Variants in ZNF827 observed in about 807,000 individuals in gnomAD.
ZNF827 encodes the protein zinc finger protein 827.
A neutral mutation model predicts 102.4 loss-of-function variants in ZNF827; 13 were observed. The ratio of observed to expected loss-of-function variants is 0.13; its 90% confidence interval spans 0.08 to 0.20. The LOEUF is 0.20. Among genes scored for constraint, ZNF827 ranks in the 10% least tolerant of loss-of-function variants. ZNF827 has a pLI of 1.00. For synonymous variants in ZNF827, 523 were observed against 536.2 expected (o/e 0.98, Z 0.34); for missense variants, 1,103 against 1,344.4 (o/e 0.82, Z 2.81).
chr4:145,885,081 A>T (rs1032272615), intron 4 of ZNF827, among the ~76,000 whole-genome samples: 1 of 152,114 alleles, frequency 6.6e-6, no homozygotes, highest in African/African-American at 2.4e-5. Context: ...CTGTGCACCT[A>T]AAATGGTTAA....
chr4:145,914,981 A>G (rs1752568676), intron 1 of ZNF827, among the ~76,000 whole-genome samples: 1 of 152,210 alleles, frequency 6.6e-6, no homozygotes, highest in Non-Finnish European at 1.5e-5. Flanking sequence ...TGTTGCTAAA[A>G]CAGAATACTT....
At chr4:145,802,634 A>G (rs1741023454) in intron 8 of ZNF827, among the ~76,000 whole-genome samples, 1 of 152,352 alleles carries the variant, frequency 6.6e-6, no homozygotes, top group African/African-American at 2.4e-5. Flanking sequence ...TATAAAATTG[A>G]TTTAGTGGAT....
intron 2 of ZNF827, among the ~76,000 whole-genome samples, chr4:145,896,477 A>C (rs1002794223): frequency 2.0e-5 from 3 of 152,196 alleles, no homozygotes; most frequent in African/African-American, 7.2e-5. Flanking sequence ...GGAAGTCCTT[A>C]CCTTTGTGTC....
intron 8 of ZNF827, among the ~76,000 whole-genome samples, chr4:145,815,132 G>A (rs1742464848): frequency 6.6e-6 from 1 of 152,152 alleles, no homozygotes; most frequent in Admixed American, 6.5e-5. Flanking sequence ...GTTTTTGGAG[G>A]AGTGGTATGA....
chr4:145,891,137 T>C (rs764928560), intron 3 of ZNF827, among the ~76,000 whole-genome samples: 1 of 152,180 alleles, frequency 6.6e-6, no homozygotes, highest in South Asian at 2.1e-4. Flanking sequence ...ATCGAAAATA[T>C]CAGTGAAGAT....
chr4:145,809,233 C>G lies in ZNF827; in HGVS notation c.2383+14189G>C, dbSNP rs550180524. On this transcript the variant is annotated intron_variant, in intron 8 of 14. Coordinates refer to ENST00000508784, the MANE Select transcript of ZNF827 (RefSeq NM_001306215.2). ...TGAGAATAGTATGAAAAGATATTTTCTCCTTTGTTCAAAATGAAACTAACT... is the reference window on the plus strand; with the variant it reads ...TGAGAATAGTATGAAAAGATATTTTGTCCTTTGTTCAAAATGAAACTAACT... Among the ~76,000 whole-genome samples, 4 of 152,300 alleles carry G rather than the reference C, an allele frequency of 2.6e-5. 1 individual carries two copies. In the East Asian group the frequency reaches 5.8e-4, roughly 22 times the overall value.
At chr4:145,922,562 G>A (rs1255821486) in intron 1 of ZNF827, among the ~76,000 whole-genome samples, 1 of 152,194 alleles carries the variant, frequency 6.6e-6, no homozygotes, top group Non-Finnish European at 1.5e-5. Context: ...TGATGAAGCA[G>A]TAAAAATTAT....
At chr4:145,807,616 C>T (rs1484510492) in intron 8 of ZNF827, among the ~76,000 whole-genome samples, 5 of 151,588 alleles carry the variant, frequency 3.3e-5, no homozygotes, top group African/African-American at 9.7e-5. Flanking sequence ...GGATTACAGG[C>T]GCCCACCACC....
intron 8 of ZNF827, among the ~76,000 whole-genome samples, chr4:145,815,315 T>C (rs1255270029): frequency 1.3e-5 from 2 of 152,338 alleles, no homozygotes; most frequent in South Asian, 2.1e-4. Flanking sequence ...AGTGAACATC[T>C]TTTGTTTCTG....
intron 7 of ZNF827, among the ~76,000 whole-genome samples, chr4:145,833,818 C>T (rs1744524584): frequency 6.6e-6 from 1 of 151,838 alleles, no homozygotes; most frequent in Non-Finnish European, 1.5e-5. Flanking sequence ...CATGCCCCGA[C>T]CTCTTATTTC....
chr4:145,873,818 A>G lies in ZNF827; in HGVS notation c.1748-3340T>C, dbSNP rs1449581603. On this transcript the variant is annotated intron_variant, in intron 4 of 14. Transcript: ENST00000508784. Reference sequence around the variant, plus strand: ...TGCTCTCTCCCAACACCATTCTCCCAGAACCCTTTATAAAGTCTTTTCCAA... The same window carrying G: ...TGCTCTCTCCCAACACCATTCTCCCGGAACCCTTTATAAAGTCTTTTCCAA... Among the ~76,000 whole-genome samples the G allele has an allele frequency of 9.8e-5, 15 of 152,316 alleles. No individual in the cohort carries two copies. The East Asian group carries it at 1.3e-3, about 14-fold the overall frequency.
chr4:145,846,741 C>T (rs1468807249), intron 6 of ZNF827, among the ~76,000 whole-genome samples: 6 of 134,760 alleles, frequency 4.5e-5, no homozygotes, highest in South Asian at 2.6e-4. Flanking sequence ...GGCGTGAACC[C>T]GGGAGGCGGA....
rs200461563 is a variant in ZNF827 at position 145,885,610 on chromosome 4, C to CAG, written c.1747+66_1747+67dup. ...AAATAAGAATACTGGTAGACAGAGA[C>CAG]AGAGAGAGAGAGAGAGAGAGAGAGA... On this transcript the variant is annotated intron_variant, in intron 4 of 14. Coordinates refer to ENST00000508784, the MANE Select transcript of ZNF827 (RefSeq NM_001306215.2). The CAG allele has an allele frequency of 8.1e-3, 9,508 of 1,172,160 alleles. 82 individuals carry two copies. Among genetic ancestry groups the CAG allele is most frequent in the East Asian group, 0.045 (1,566 of 35,030 alleles). 72.6% of individuals were successfully genotyped at this position (1,172,160 alleles called of 1,614,324 possible). A position where few individuals can be genotyped will look rare whatever the true frequency, so the allele number is the denominator to read the frequency against.
At chr4:145,810,940 C>G (rs1175965686) in intron 8 of ZNF827, among the ~76,000 whole-genome samples, 2 of 151,670 alleles carry the variant, frequency 1.3e-5, no homozygotes, top group South Asian at 4.1e-4. Context: ...ACGTCCAGCT[C>G]ACAAACTAAC....
intron 1 of ZNF827, 133 bp downstream of exon 1, chr4:145,938,232 G>A: frequency 9.4e-7 from 1 of 1,062,322 alleles, no homozygotes; most frequent in Non-Finnish European, 1.5e-6. Flanking sequence ...GAGTAACCCG[G>A]GCTGTGTCTT....
chr4:145,814,683 G>A (rs1412627487), intron 8 of ZNF827, among the ~76,000 whole-genome samples: 2 of 151,576 alleles, frequency 1.3e-5, no homozygotes, highest in Non-Finnish European at 2.9e-5. Context: ...CAGCACTTTG[G>A]GAGGCCGAGG....
At chr4:145,841,386 A>G (rs62345826) in intron 7 of ZNF827, among the ~76,000 whole-genome samples, 5,535 of 152,230 alleles carry the variant, frequency 0.036, 153 homozygotes, top group Non-Finnish European at 0.052. Context: ...TGCCTCATGT[A>G]TTTTCATCTA....
intron 8 of ZNF827, among the ~76,000 whole-genome samples, chr4:145,808,335 C>T (rs1419704936): frequency 6.6e-6 from 1 of 152,170 alleles, no homozygotes; most frequent in African/African-American, 2.4e-5. Context: ...TTCCTGGCCT[C>T]TTTCCCATTC....
At chr4:145,931,560 A>T (rs1458096024) in intron 1 of ZNF827, among the ~76,000 whole-genome samples, 1 of 152,126 alleles carries the variant, frequency 6.6e-6, no homozygotes, top group East Asian at 1.9e-4. Flanking sequence ...ACGCCCCCTA[A>T]AGCCCTATTC....
Sources: gnomAD v4.1 joint callset for allele counts (sites outside exome capture counted in the v4.1 genomes callset) on GRCh38, gnomAD v4.1.1 for gene constraint, MANE v1.5 for transcripts, NCBI Gene and HGNC (gene_info 2026-07-23, HGNC 2026-07-21) for gene names.